The following ALKBH5 variants were observed in gnomAD, a reference collection of about 807,000 sequenced individuals.
ALKBH5 encodes the protein alkB homolog 5, RNA demethylase.
In ALKBH5, 2 loss-of-function variants were observed where a neutral mutation model predicts 32.1. The observed-to-expected ratio is 0.06, with a 90% CI of 0.03 to 0.20. The LOEUF (loss-of-function observed/expected upper bound fraction) is 0.20. ALKBH5 is among the 10% of genes least tolerant of loss of function. ALKBH5 has a pLI of 1.00. For synonymous variants in ALKBH5, 300 were observed against 231.7 expected (o/e 1.29, Z -2.68); for missense variants, 352 against 559.5 (o/e 0.63, Z 3.74).
rs780671786 is a variant in ALKBH5, at chr17:18,194,913, C to G, written c.771-42C>G. The G allele has an allele frequency of 5.6e-6, 9 of 1,594,496 alleles. No individual in the cohort carries two copies. The Admixed American group carries it at 1.5e-4, about 27-fold the overall frequency. On this transcript the variant is annotated intron_variant, in intron 1 of 3. Transcript: ENST00000399138. Reference sequence around the variant, plus strand: ...TATATCCCCCAGGAACTTTGGTTGTCTGTCTACTCTTCATGGTCACATGTT... The same window carrying G: ...TATATCCCCCAGGAACTTTGGTTGTGTGTCTACTCTTCATGGTCACATGTT...
intron 1 of ALKBH5, among the ~76,000 whole-genome samples, chr17:18,193,462 G>A (rs1473566801): frequency 2.6e-5 from 4 of 151,892 alleles, no homozygotes; most frequent in East Asian, 3.9e-4. Context: ...CAGGAGAATC[G>A]CTTGAACCCG....
intron 1 of ALKBH5, among the ~76,000 whole-genome samples, chr17:18,185,851 G>A (rs554973482): frequency 4.5e-4 from 68 of 152,316 alleles, no homozygotes; most frequent in African/African-American, 1.6e-3. Flanking sequence ...AATTTATTTG[G>A]AAGCGGCCTC....
intron 1 of ALKBH5, among the ~76,000 whole-genome samples, chr17:18,193,158 A>G (rs995668719): frequency 6.6e-6 from 1 of 151,464 alleles, no homozygotes; most frequent in Non-Finnish European, 1.5e-5. Flanking sequence ...CACCGTGCCT[A>G]GCCTGTCTAC....
In ALKBH5 at chr17:18,188,223, ACT is replaced by A. The variant is rs2047151359; in HGVS notation, c.770+3213_770+3214del. ...GGCTGCATGGGGCAGATTAAAACAG[ACT>A]CTGATTGGACTAATTAGAATAATTA... On this transcript the variant is annotated intron_variant, in intron 1 of 3. Coordinates refer to ENST00000399138, the MANE Select transcript of ALKBH5 (RefSeq NM_017758.4). Among the ~76,000 whole-genome samples the A allele has an allele frequency of 3.3e-5, 5 of 152,194 alleles. No individual in the cohort carries two copies. In the South Asian group the frequency reaches 1.0e-3, roughly 31 times the overall value.
At chr17:18,192,821 AT>A (rs2047184366) in intron 1 of ALKBH5, among the ~76,000 whole-genome samples, 1 of 139,970 alleles carries the variant, frequency 7.1e-6, no homozygotes, top group African/African-American at 2.7e-5. Context: ...TTACAAATTG[AT>A]TTCACTGTAG....
intron 2 of ALKBH5, among the ~76,000 whole-genome samples, chr17:18,198,214 C>T (rs1375396910): frequency 6.6e-6 from 1 of 152,198 alleles, no homozygotes; most frequent in Non-Finnish European, 1.5e-5. Context: ...CACATGCAGA[C>T]ACATACACAC....
intron 2 of ALKBH5, among the ~76,000 whole-genome samples, chr17:18,202,559 T>C (rs911901400): frequency 5.9e-5 from 9 of 152,250 alleles, no homozygotes; most frequent in South Asian, 4.1e-4. Context: ...TGCCTCGCTT[T>C]GTTGGAAAGC....
At chr17:18,186,815 A>G (rs895193081) in intron 1 of ALKBH5, among the ~76,000 whole-genome samples, 1 of 152,088 alleles carries the variant, frequency 6.6e-6, no homozygotes, top group Non-Finnish European at 1.5e-5. Flanking sequence ...GTGCTGCCCC[A>G]GGCTTTGAAT....
intron 2 of ALKBH5, among the ~76,000 whole-genome samples, chr17:18,197,622 T>C (rs2047211765): frequency 6.6e-6 from 1 of 152,224 alleles, no homozygotes; most frequent in Non-Finnish European, 1.5e-5. Flanking sequence ...TTTTATTGAA[T>C]GGTGACTCCC....
intron 1 of ALKBH5, among the ~76,000 whole-genome samples, chr17:18,193,485 T>G (rs1474075457): frequency 2.0e-5 from 3 of 151,540 alleles, no homozygotes; most frequent in South Asian, 2.1e-4. Flanking sequence ...AGGCAGAGGT[T>G]GCAGTGAGCC....
At chr17:18,203,439 C>G (rs1424946314) in intron 2 of ALKBH5, among the ~76,000 whole-genome samples, 1 of 152,226 alleles carries the variant, frequency 6.6e-6, no homozygotes, top group Non-Finnish European at 1.5e-5. Context: ...CTCCCTTGTC[C>G]CTGCTTTGTC....
rs2047287315 is a variant in ALKBH5, at chr17:18,208,824, T to C, written c.*428T>C. ...AAGTTCAGTCTTCTGCTCGCCCCTT[T>C]CCCTCACTGATGTCTGCACTTGGTT... On this transcript the variant is annotated 3_prime_UTR_variant, in exon 4 of 4. Transcript: ENST00000399138. 3.3e-6 allele frequency: 1 copy of C among 301,494 alleles called. No individual in the cohort carries two copies. Among genetic ancestry groups the C allele is most frequent in the Non-Finnish European group, 6.4e-6 (1 of 155,808 alleles). 18.7% of individuals were successfully genotyped at this position (301,494 alleles called of 1,614,324 possible).
At chr17:18,185,388 CT>C (rs1406815275) in intron 1 of ALKBH5, among the ~76,000 whole-genome samples, 16 of 121,856 alleles carry the variant, frequency 1.3e-4, no homozygotes, top group Admixed American at 1.3e-3. Context: ...CAAATCTATG[CT>C]TTAAAATTTT....
chr17:18,190,686 A>T (rs938346977), intron 1 of ALKBH5, among the ~76,000 whole-genome samples: 10 of 152,186 alleles, frequency 6.6e-5, no homozygotes, highest in Admixed American at 3.3e-4. Flanking sequence ...AGCTCAACAC[A>T]CATTTCATTT....
intron 2 of ALKBH5, among the ~76,000 whole-genome samples, chr17:18,200,941 G>A (rs537046411): frequency 6.6e-6 from 1 of 152,236 alleles, no homozygotes; most frequent in South Asian, 2.1e-4. Flanking sequence ...TGTGAGCAGT[G>A]GGGTGAGGGA....
At chr17:18,189,764 C>T (rs1034946536) in intron 1 of ALKBH5, among the ~76,000 whole-genome samples, 1 of 152,202 alleles carries the variant, frequency 6.6e-6, no homozygotes, top group Non-Finnish European at 1.5e-5. Context: ...AAAGTTGAAT[C>T]TTTGTCATCT....
intron 2 of ALKBH5, among the ~76,000 whole-genome samples, chr17:18,203,130 G>A (rs1182528934): frequency 2.0e-5 from 3 of 151,636 alleles, no homozygotes; most frequent in Non-Finnish European, 4.4e-5. Flanking sequence ...TGTTGCCCAG[G>A]TTGGTCTGAA....
chr17:18,202,039 G>C (rs1408007839), intron 2 of ALKBH5, among the ~76,000 whole-genome samples: 1 of 152,044 alleles, frequency 6.6e-6, no homozygotes, highest in Non-Finnish European at 1.5e-5. Context: ...CGGGTGCGGT[G>C]GTTCACGCCT....
In ALKBH5 at chr17:18,208,370, C is replaced by A; in HGVS notation, c.1159C>A (p.Arg387=). ...CTCTGAGGCAGCAGGCAGCCCTGCCCGAAAGGTGAAGATGCGGCGGCACTG... is the reference window on the plus strand; with the variant it reads ...CTCTGAGGCAGCAGGCAGCCCTGCCAGAAAGGTGAAGATGCGGCGGCACTG... ...DCSEAAGSPA[R]KVKMRRH Residue 387 remains arginine, a synonymous_variant, in exon 4 of 4, where the codon CGA becomes AGA. Transcript: ENST00000399138. 6.8e-6 allele frequency: 11 copies of A among 1,613,330 alleles called. No individual in the cohort carries two copies. The highest frequency in any genetic ancestry group is 9.3e-6 in the Non-Finnish European group (11 of 1,179,610).
Sources: gnomAD v4.1 joint callset for allele counts (sites outside exome capture counted in the v4.1 genomes callset) on GRCh38, gnomAD v4.1.1 for gene constraint, MANE v1.5 for transcripts, NCBI Gene and HGNC (gene_info 2026-07-23, HGNC 2026-07-21) for gene names.